TDRP: variants seen among roughly 807,000 people sequenced by gnomAD.
TDRP encodes the protein testis development related protein, also known as testis development-related protein.
Under a neutral mutation model 10.5 loss-of-function variants are expected in TDRP, and 12 were observed. The ratio of observed to expected loss-of-function variants is 1.15; its 90% CI spans 0.73 to 1.86. The LOEUF (loss-of-function observed/expected upper bound fraction) is 1.86, where lower values mean the gene tolerates loss of function less well. Ranked by LOEUF, TDRP falls within the 40% of genes most tolerant of loss-of-function variation. The pLI, the probability that TDRP is intolerant of heterozygous loss-of-function variation, is 0.00. For synonymous variants in TDRP, 139 were observed against 95.4 expected, an observed-to-expected ratio of 1.46 and a Z score of -2.67; for missense variants, 353 against 229.2, an observed-to-expected ratio of 1.54 and a Z score of -3.49.
chr8:537,347 C>T (rs1802374380), intron 1 of TDRP, among the ~76,000 whole-genome samples: 1 of 152,204 alleles, frequency 6.6e-6, no homozygotes, highest in African/African-American at 2.4e-5. Context: ...TGCACCACAC[C>T]CCACTGTCCA....
At chr8:526,879 TAA>T (rs1802049023) in intron 1 of TDRP, among the ~76,000 whole-genome samples, 1 of 152,048 alleles carries the variant, frequency 6.6e-6, no homozygotes, top group Non-Finnish European at 1.5e-5. Context: ...CAGAAAAAAA[TAA>T]AAGACATTCA....
intron 1 of TDRP, 66 bp downstream of exon 1, chr8:544,584 C>G: frequency 9.1e-7 from 1 of 1,101,980 alleles, no homozygotes; most frequent in South Asian, 4.4e-5. Flanking sequence ...CTGCGCGCCG[C>G]CCACCCTCGC....
intron 1 of TDRP, among the ~76,000 whole-genome samples, chr8:507,775 T>G (rs6991172): frequency 1.3e-5 from 2 of 151,958 alleles, no homozygotes; most frequent in Admixed American, 6.5e-5. Context: ...GTGGCTACAA[T>G]GTATCATCCA....
chr8:509,558 G>C (rs1316533903), intron 1 of TDRP, among the ~76,000 whole-genome samples: 1 of 152,164 alleles, frequency 6.6e-6, no homozygotes, highest in African/African-American at 2.4e-5. Context: ...GAGCGGCTGG[G>C]AGACAGGGCA....
intron 1 of TDRP, among the ~76,000 whole-genome samples, chr8:542,641 G>A (rs1256498125): frequency 2.6e-5 from 4 of 152,130 alleles, no homozygotes; most frequent in Non-Finnish European, 5.9e-5. Flanking sequence ...GAGGAGGGCA[G>A]ATCACCTGAG....
At chr8:493,443 A>G (rs1277067023) in intron 2 of TDRP, among the ~76,000 whole-genome samples, 1 of 152,258 alleles carries the variant, frequency 6.6e-6, no homozygotes, top group East Asian at 1.9e-4. Context: ...GCTCCGCCAG[A>G]GCACGAAGGG....
chr8:523,714 G>A (rs1251190102), intron 1 of TDRP, among the ~76,000 whole-genome samples: 1 of 152,160 alleles, frequency 6.6e-6, no homozygotes, highest in Non-Finnish European at 1.5e-5. Flanking sequence ...TCCTCTGCTT[G>A]TGGAAAGGGG....
At chr8:507,495 T>C (rs1311395027) in intron 1 of TDRP, among the ~76,000 whole-genome samples, 2 of 152,108 alleles carry the variant, frequency 1.3e-5, no homozygotes, top group South Asian at 2.1e-4. Context: ...TTTTAAACCA[T>C]ACAGCAATCA....
In TDRP at chr8:499,902, G is replaced by A. The variant is rs73671719; in HGVS notation, c.109-5305C>T. 7.6e-3 allele frequency among the ~76,000 whole-genome samples: 1,162 copies of A among 152,316 alleles called. 14 individuals are homozygous for A. Among genetic ancestry groups the A allele is most frequent in the African/African-American group, 0.027 (1,106 of 41,576 alleles). ...AATCTTAGGTGGCGACAGCCTAAGT[G>A]CTGCTCATGGTATGGGGCATGAAGA... On this transcript the variant is annotated intron_variant, in intron 1 of 2. Transcript: ENST00000324079.
chr8:504,084 C>A (rs539621332), intron 1 of TDRP, among the ~76,000 whole-genome samples: 5 of 152,006 alleles, frequency 3.3e-5, no homozygotes, highest in Non-Finnish European at 7.4e-5. Flanking sequence ...AGCACCAACA[C>A]GGAATCCAGA....
At chr8:541,445 A>C (rs1802493432) in intron 1 of TDRP, among the ~76,000 whole-genome samples, 1 of 152,248 alleles carries the variant, frequency 6.6e-6, no homozygotes, top group Admixed American at 6.5e-5. Context: ...TTCTGCTCTG[A>C]AAAAGACACT....
intron 2 of TDRP, 48 bp from the exon 3 acceptor site, chr8:492,792 C>T (rs981510907): frequency 1.5e-6 from 2 of 1,375,184 alleles, no homozygotes; most frequent in Middle Eastern, 1.9e-4. Context: ...GTCTTAGGGC[C>T]TCAAGCTTTA....
chr8:525,223 C>T (rs1273432157), intron 1 of TDRP, among the ~76,000 whole-genome samples: 1 of 152,092 alleles, frequency 6.6e-6, no homozygotes, highest in Non-Finnish European at 1.5e-5. Context: ...CAAAAATGTC[C>T]TTCAAGCATG....
At chr8:501,405 G>T (rs1801296213) in intron 1 of TDRP, among the ~76,000 whole-genome samples, 1 of 151,694 alleles carries the variant, frequency 6.6e-6, no homozygotes, top group Non-Finnish European at 1.5e-5. Flanking sequence ...GGAGTGCAGT[G>T]GTGTGATCTT....
chr8:506,238 A>G (rs900977044), intron 1 of TDRP, among the ~76,000 whole-genome samples: 2 of 152,230 alleles, frequency 1.3e-5, no homozygotes, highest in East Asian at 1.9e-4. Flanking sequence ...AAGTGAAGAA[A>G]TATCTATTCA....
intron 1 of TDRP, among the ~76,000 whole-genome samples, chr8:498,350 G>C (rs1454469132): frequency 6.6e-6 from 1 of 152,218 alleles, no homozygotes; most frequent in African/African-American, 2.4e-5. Context: ...ATGAGACATG[G>C]CATGTAAAGG....
intron 1 of TDRP, among the ~76,000 whole-genome samples, chr8:508,763 A>T (rs571884904): frequency 6.6e-6 from 1 of 152,184 alleles, no homozygotes; most frequent in Non-Finnish European, 1.5e-5. Flanking sequence ...CCTTCTCAAC[A>T]GTTCCCCAAA....
chr8:496,399 C>G (rs2116719935), intron 1 of TDRP, among the ~76,000 whole-genome samples: 1 of 152,342 alleles, frequency 6.6e-6, no homozygotes, highest in Admixed American at 6.5e-5. Context: ...TCACTATGTG[C>G]CCAGCACTGT....
At chr8:533,650 A>T (rs1432683910) in intron 1 of TDRP, among the ~76,000 whole-genome samples, 1 of 152,322 alleles carries the variant, frequency 6.6e-6, no homozygotes, top group South Asian at 2.1e-4. Flanking sequence ...AGAATTCTTC[A>T]ACATTCAGCT....
Sources: allele counts gnomAD v4.1 joint callset (sites outside exome capture counted in the v4.1 genomes callset), GRCh38; gene constraint gnomAD v4.1.1; transcripts MANE v1.5; gene names NCBI Gene and HGNC (gene_info 2026-07-23, HGNC 2026-07-21).